Variants in PIEZO2 observed in about 807,000 individuals in gnomAD.
The protein encoded by PIEZO2 is piezo-type mechanosensitive ion channel component 2.
PIEZO2 carries 172 observed loss-of-function variants against 337.3 expected under a neutral mutation model. That is an observed-to-expected ratio of 0.51 (90% CI 0.45 to 0.58). The LOEUF (loss-of-function observed/expected upper bound fraction) is 0.58, where lower values mean the gene tolerates loss of function less well. Among genes scored for constraint, PIEZO2 ranks in the 20% least tolerant of loss-of-function variants. The probability of loss-of-function intolerance (pLI) is 0.00; values close to 1 mark genes in which losing one functional copy is unlikely to be tolerated. For synonymous variants in PIEZO2, 1,251 were observed against 1,228.5 expected (o/e 1.02, Z -0.38); for missense variants, 3,028 against 3,391.3 (o/e 0.89, Z 2.66).
chr18:10,870,963 G>A lies in PIEZO2; in HGVS notation c.492+290C>T, dbSNP rs745556104. Among the ~76,000 whole-genome samples the A allele has an allele frequency of 7.2e-5, 11 of 152,040 alleles. No homozygotes were observed. The highest frequency in any genetic ancestry group is 5.2e-4 in the Admixed American group (8 of 15,256). On this transcript the variant is annotated intron_variant, in intron 5 of 55. Coordinates refer to ENST00000674853, the MANE Select transcript of PIEZO2 (RefSeq NM_001378183.1). The surrounding 1 kb of genome is among the most constrained non-coding windows in gnomAD (Gnocchi z 5.3). ...ATAACACTATGTATGACCTTGCACGGTTAGCCTCCGAGATAATATCACGTG... is the reference window on the plus strand; with the variant it reads ...ATAACACTATGTATGACCTTGCACGATTAGCCTCCGAGATAATATCACGTG...
At chr18:11,015,946 G>A (rs16975653) in intron 2 of PIEZO2, among the ~76,000 whole-genome samples, 5,096 of 152,188 alleles carry the variant, frequency 0.033, 271 homozygotes, top group African/African-American at 0.11. Context: ...AGGCTTCTTT[G>A]TTTCAATCAC....
At chr18:10,777,792 A>G (rs2038840471) in intron 18 of PIEZO2, among the ~76,000 whole-genome samples, 3 of 152,206 alleles carry the variant, frequency 2.0e-5, no homozygotes, top group Admixed American at 6.5e-5. Flanking sequence ...AGTGTTTAAT[A>G]TAAGTAACAT....
intron 42 of PIEZO2, 92 bp from the exon 43 acceptor site, chr18:10,702,263 G>A (rs564255873): frequency 8.0e-7 from 1 of 1,244,314 alleles, no homozygotes; most frequent in South Asian, 1.5e-5. Context: ...AATTAAGAAA[G>A]AGACCCGCAT....
In PIEZO2 at chr18:10,943,197, C is replaced by A. The variant is rs1203226084; in HGVS notation, c.287-31969G>T. 6.6e-6 allele frequency among the ~76,000 whole-genome samples: 1 copy of A among 152,182 alleles called. No homozygotes were observed. Among genetic ancestry groups the A allele is most frequent in the Non-Finnish European group, 1.5e-5 (1 of 68,034 alleles). The stretch of plus-strand genomic sequence containing the variant: ...ACGCACAGTCCCTACTGGGGCACCA[C>A]CTAGTGGAGCTGTGAGAAGAGGGCC... On this transcript the variant is annotated intron_variant, in intron 3 of 55. Transcript: ENST00000674853. This position sits in a 1 kb window ranked among gnomAD's most constrained non-coding sequence, Gnocchi z 4.5.
chr18:10,755,290 T>C (rs2037792712), intron 27 of PIEZO2, among the ~76,000 whole-genome samples: 1 of 152,130 alleles, frequency 6.6e-6, no homozygotes, highest in Non-Finnish European at 1.5e-5. Context: ...TCCACATGGA[T>C]GGCATGTGTG....
Position 10,862,729 on chromosome 18 carries a change from A to G in PIEZO2, c.493-5518T>C, listed in dbSNP as rs2041908543. ...GAAATTATGGGAATGAATTCCAGGA[A>G]GCTGTATGATTAAAGTACTCTCTGG... On this transcript the variant is annotated intron_variant, in intron 5 of 55. Coordinates refer to ENST00000674853, the MANE Select transcript of PIEZO2 (RefSeq NM_001378183.1). This position sits in a 1 kb window ranked among gnomAD's most constrained non-coding sequence, Gnocchi z 4.4. Among the ~76,000 whole-genome samples the G allele has an allele frequency of 2.0e-5, 3 of 152,240 alleles. No individual in the cohort carries two copies. Among genetic ancestry groups the G allele is most frequent in the Admixed American group, 2.0e-4 (3 of 15,276 alleles).
rs900479466 is a variant in PIEZO2 at position 10,724,868 on chromosome 18, A to C, written c.5029+6539T>G. 1 of 1,608,652 alleles carries C rather than the reference A, an allele frequency of 6.2e-7. No individual in the cohort carries two copies. The highest frequency in any genetic ancestry group is 8.5e-7 in the Non-Finnish European group (1 of 1,177,764). Reference sequence around the variant, plus strand: ...CACATGCGTCGCAGTGAGAGCACCTACTCTGTAAATAGTACTGGCCGGCGG... The same window carrying C: ...CACATGCGTCGCAGTGAGAGCACCTCCTCTGTAAATAGTACTGGCCGGCGG... On this transcript the variant is annotated intron_variant, in intron 36 of 55. Transcript: ENST00000674853. This position sits in a 1 kb window ranked among gnomAD's most constrained non-coding sequence, Gnocchi z 5.8.
intron 15 of PIEZO2, 36 bp downstream of exon 15, chr18:10,789,043 A>T: frequency 6.6e-7 from 1 of 1,511,010 alleles, no homozygotes; most frequent in Non-Finnish European, 8.8e-7. Flanking sequence ...CTCCTGGGAG[A>T]GATGTGAGAA....
At position 10,870,426 on chromosome 18, in the gene PIEZO2, C is replaced by G. The variant is rs1158329832; in HGVS notation, c.492+827G>C. On this transcript the variant is annotated intron_variant, in intron 5 of 55. Transcript: ENST00000674853. This position sits in a 1 kb window ranked among gnomAD's most constrained non-coding sequence, Gnocchi z 5.3. ...ACTGAAAACATTTAGTACTTGCAAG[C>G]GTTTTGCATCAAATGTCCAAATAAA... Among the ~76,000 whole-genome samples the G allele has an allele frequency of 6.6e-6, 1 of 151,252 alleles. No individual in the cohort carries two copies.
chr18:10,684,719 G>C (rs1395398394), intron 49 of PIEZO2, among the ~76,000 whole-genome samples: 2 of 152,114 alleles, frequency 1.3e-5, no homozygotes, highest in Non-Finnish European at 2.9e-5. Context: ...ACCTGCCTTG[G>C]CCTCCCAAAG....
intron 49 of PIEZO2, among the ~76,000 whole-genome samples, chr18:10,684,530 TCTCAGCTCA>T (rs1430670731): frequency 6.7e-6 from 1 of 148,500 alleles, no homozygotes; most frequent in Non-Finnish European, 1.5e-5. Context: ...GGTGGTGCAG[TCTCAGCTCA>T]CTGCAACTTC....
chr18:10,963,661 A>C (rs1011627129), intron 3 of PIEZO2, among the ~76,000 whole-genome samples: 2 of 152,242 alleles, frequency 1.3e-5, no homozygotes, highest in African/African-American at 4.8e-5. Flanking sequence ...GGTTAAACTG[A>C]GTCTTAAAAC....
At chr18:11,018,939 A>G (rs988944367) in intron 2 of PIEZO2, among the ~76,000 whole-genome samples, 19 of 152,074 alleles carry the variant, frequency 1.2e-4, no homozygotes, top group African/African-American at 4.6e-4. Flanking sequence ...AGTAAATGTC[A>G]CCACAATCCA....
At chr18:10,755,815 G>T (rs1007042139) in intron 27 of PIEZO2, among the ~76,000 whole-genome samples, 9 of 147,228 alleles carry the variant, frequency 6.1e-5, no homozygotes, top group African/African-American at 2.2e-4. Context: ...AAGAAGTGAG[G>T]ATGAGGACCA....
At chr18:11,006,955 A>G (rs1200803438) in intron 2 of PIEZO2, among the ~76,000 whole-genome samples, 2 of 152,312 alleles carry the variant, frequency 1.3e-5, no homozygotes, top group African/African-American at 4.8e-5. Context: ...GCCAGCATAC[A>G]ATGTGTAATG....
At position 10,761,009 on chromosome 18, in the gene PIEZO2, T is replaced by C. The variant is rs1048726098; in HGVS notation, c.3352A>G (p.Thr1118Ala). ...AGTCTTGTAATGTCATGAAAGATAG[T>C]TCTAGACACAGGGGCCGTCAGGTTA... ...RNNLTAPVSR[T>A]IFHDITRLHL... The change falls in exon 24 of 56, where the codon ACT becomes GCT. Residue 1118 changes from threonine (T) to alanine (A), a missense_variant. Transcript: ENST00000674853. The C allele has an allele frequency of 6.5e-7, 1 of 1,535,862 alleles. No individual in the cohort carries two copies. Among genetic ancestry groups the C allele is most frequent in the Non-Finnish European group, 8.7e-7 (1 of 1,145,638 alleles).
intron 1 of PIEZO2, among the ~76,000 whole-genome samples, chr18:11,141,172 G>C (rs766215002): frequency 3.3e-5 from 5 of 152,182 alleles, no homozygotes; most frequent in African/African-American, 7.2e-5. Context: ...AAGAAGAACA[G>C]AATTGTCTTT....
intron 3 of PIEZO2, among the ~76,000 whole-genome samples, chr18:10,974,248 A>G (rs958074995): frequency 2.6e-5 from 4 of 152,196 alleles, no homozygotes; most frequent in Non-Finnish European, 4.4e-5. Context: ...CATGTCAGGA[A>G]AAAACATTAC....
rs2040445830 is a variant in PIEZO2 at position 10,819,019 on chromosome 18, G to A, written c.918-11745C>T. ...TATTGTTAGTGGCTAATAATTTTTT[G>A]TTACACTTTAAACAGTAAATATACA... On this transcript the variant is annotated intron_variant, in intron 7 of 55. Coordinates refer to ENST00000674853, the MANE Select transcript of PIEZO2 (RefSeq NM_001378183.1). This position sits in a 1 kb window ranked among gnomAD's most constrained non-coding sequence, Gnocchi z 4.3. 6.6e-6 allele frequency among the ~76,000 whole-genome samples: 1 copy of A among 152,028 alleles called. No individual in the cohort carries two copies. Among genetic ancestry groups the A allele is most frequent in the Admixed American group, 6.6e-5 (1 of 15,260 alleles).
Sources: gnomAD v4.1 joint callset for allele counts (sites outside exome capture counted in the v4.1 genomes callset) on GRCh38, gnomAD v4.1.1 for gene constraint, Gnocchi (gnomAD v3.1) non-coding constraint, MANE v1.5 for transcripts, NCBI Gene and HGNC (gene_info 2026-07-23, HGNC 2026-07-21) for gene names.